BDP1: variants seen among roughly 807,000 people sequenced by gnomAD.
BDP1 encodes the protein transcription factor TFIIIB component B'' homolog.
Under a neutral mutation model 266.6 loss-of-function variants are expected in BDP1, and 169 were observed. That is an observed-to-expected ratio of 0.63 (90% CI 0.56 to 0.72). The LOEUF is 0.72. BDP1 is among the 30% of genes least tolerant of loss of function. BDP1 has a pLI of 0.00. For missense variants in BDP1, 3,015 were observed against 3,053.8 expected, an observed-to-expected ratio of 0.99 and a Z score of 0.30; for synonymous variants, 1,090 against 1,022.4, an observed-to-expected ratio of 1.07 and a Z score of -1.26.
chr5:71,555,455 T>C (rs1331708732), intron 35 of BDP1, among the ~76,000 whole-genome samples: 1 of 134,584 alleles, frequency 7.4e-6, no homozygotes, highest in Non-Finnish European at 1.7e-5. Flanking sequence ...TTTTTTTTTT[T>C]TGAGATGGAG....
Position 71,541,660 on chromosome 5 carries a change from A to G in BDP1, c.6229A>G (p.Lys2077Glu), listed in dbSNP as rs779140510. The G allele has an allele frequency of 3.1e-6, 5 of 1,603,884 alleles. No homozygotes were observed. The highest frequency in any genetic ancestry group is 4.3e-6 in the Non-Finnish European group (5 of 1,175,098). ...REEISLMEKV[K>E]ENATPTRNTI... is the part of the protein sequence containing the mutation. The stretch of plus-strand genomic sequence containing the variant: ...AGAAATAAGTTTAATGGAGAAAGTA[A>G]AGGAGAATGCTACACCAACCAGGTT... Residue 2077 changes from lysine (K) to glutamate (E), a missense_variant, in exon 29 of 39, where the codon AAG becomes GAG. Lys to Glu is a moderately conservative substitution (Grantham distance 56). Coordinates refer to ENST00000358731, the MANE Select transcript of BDP1 (RefSeq NM_018429.3).
In BDP1 at chr5:71,516,259, A is replaced by G. The variant is rs1235786655; in HGVS notation, c.4848A>G (p.Lys1616=). The part of the protein sequence containing the change: ...TILPKDETEK[K]VLTVSNSQIE... ...TACCAAAAGATGAAACTGAAAAGAA[A>G]GTCTTAACTGTGGTGAGTTATTGTT... Residue 1616 remains lysine (K), a synonymous_variant, in exon 21 of 39, where the codon AAA becomes AAG. Transcript: ENST00000358731. 8 of 1,611,730 alleles carry G rather than the reference A, an allele frequency of 5.0e-6. No homozygotes were observed. The South Asian group carries it at 6.6e-5, about 13-fold the overall frequency.
At chr5:71,558,266 GGCTCATGGC>G (rs1255570273) in intron 36 of BDP1, among the ~76,000 whole-genome samples, 15 of 56,434 alleles carry the variant, frequency 2.7e-4, no homozygotes, top group Admixed American at 7.6e-4. Flanking sequence ...CAGGCGCAGT[GGCTCATGGC>G]CTGTAATCTC....
chr5:71,498,630 G>C (rs1428409042), intron 13 of BDP1, among the ~76,000 whole-genome samples: 1 of 149,066 alleles, frequency 6.7e-6, no homozygotes, highest in South Asian at 2.1e-4. Context: ...CACCTTGTTG[G>C]CCAGGCTGGT....
At chr5:71,529,298 G>GAT (rs1386728587) in intron 25 of BDP1, among the ~76,000 whole-genome samples, 3 of 152,166 alleles carry the variant, frequency 2.0e-5, no homozygotes, top group African/African-American at 7.2e-5. Flanking sequence ...GCTGAGGCAG[G>GAT]ATAATCGCTT....
At chr5:71,513,499 A>G in intron 19 of BDP1, 92 bp downstream of exon 19, 1 of 773,556 alleles carries the variant, frequency 1.3e-6, no homozygotes, top group South Asian at 1.9e-5. Context: ...TTAAAATTCT[A>G]CAAATATTTC....
At chr5:71,466,352 A>G in intron 5 of BDP1, 131 bp downstream of exon 5, 2 of 975,890 alleles carry the variant, frequency 2.0e-6, no homozygotes, top group Non-Finnish European at 3.0e-6. Context: ...CATAATGAAT[A>G]TTGTAAATAG....
Position 71,524,081 on chromosome 5 carries a change from C to A in BDP1, c.5530C>A (p.Arg1844Ser). The change falls in exon 25 of 39, where the codon CGT becomes AGT. Residue 1844 changes from arginine to serine, a missense_variant. Around this residue, in one of 3 missense-constraint regions of BDP1, gnomAD observed 2,383 missense variants for 2,404.9 expected, o/e 0.99. Coordinates refer to ENST00000358731, the MANE Select transcript of BDP1 (RefSeq NM_018429.3). ...KKFKPNVTRG[R>S]GSKRVRGKTS... is the part of the protein sequence containing the mutation. The stretch of plus-strand genomic sequence containing the variant: ...GTTCAAACCAAATGTCACCAGAGGT[C>A]GTGGATCAAAACGAGTTCGGGGTAA... The A allele has an allele frequency of 6.2e-7, 1 of 1,614,150 alleles. No individual in the cohort carries two copies. Among genetic ancestry groups the A allele is most frequent in the East Asian group, 2.2e-5 (1 of 44,872 alleles).
Position 71,497,303 on chromosome 5 carries a change from G to C in BDP1, c.1833G>C (p.Met611Ile). The change falls in exon 13 of 39, where the codon ATG becomes ATC. Residue 611 changes from methionine (M) to isoleucine (I), a missense_variant. This residue lies in a region of BDP1 where 2,383 missense variants were observed against 2,404.9 expected (regional missense o/e 0.99). Coordinates refer to ENST00000358731, the MANE Select transcript of BDP1 (RefSeq NM_018429.3). ...ATCAAACAGAAAATGTTAAACCAATGTTGAGAGGTCGCTTCCAAAGACCTA... is the reference window on the plus strand; with the variant it reads ...ATCAAACAGAAAATGTTAAACCAATCTTGAGAGGTCGCTTCCAAAGACCTA... Reference protein sequence around the residue: ...EIDQTENVKPMLRGRFQRPKP... With the variant: ...EIDQTENVKPILRGRFQRPKP... 2.5e-6 allele frequency: 4 copies of C among 1,613,798 alleles called. No individual in the cohort carries two copies. Among genetic ancestry groups the C allele is most frequent in the Non-Finnish European group, 3.4e-6 (4 of 1,179,890 alleles).
At chr5:71,500,326 T>G (rs1335017469) in intron 13 of BDP1, among the ~76,000 whole-genome samples, 1 of 71,618 alleles carries the variant, frequency 1.4e-5, no homozygotes, top group African/African-American at 3.6e-5. Context: ...CTTTTTTTTT[T>G]TTTTTTTTTT....
chr5:71,518,835 CTTTTTTTT>C (rs35834219), intron 22 of BDP1, among the ~76,000 whole-genome samples: 2 of 128,646 alleles, frequency 1.6e-5, no homozygotes, highest in Admixed American at 1.6e-4. Context: ...GTATGGATTA[CTTTTTTTT>C]TTTTTTTTTT....
At chr5:71,471,440 G>A (rs565740840) in intron 7 of BDP1, among the ~76,000 whole-genome samples, 2 of 152,168 alleles carry the variant, frequency 1.3e-5, no homozygotes, top group East Asian at 1.9e-4. Context: ...CATCATGCCC[G>A]GTTGAGGGTA....
Position 71,510,565 on chromosome 5 carries a change from A to G in BDP1, c.3473A>G (p.Asn1158Ser). ...AGAAGAGAAATATCCCCAGAGGAAAATGGCCCAGAGGAGGTCAAGCCTGTA... is the reference window on the plus strand; with the variant it reads ...AGAAGAGAAATATCCCCAGAGGAAAGTGGCCCAGAGGAGGTCAAGCCTGTA... The part of the protein sequence containing the change: ...TGRREISPEE[N>S]GPEEVKPVDE... The change falls in exon 17 of 39, where the codon AAT (asparagine) becomes AGT (serine). Residue 1158 changes from asparagine (N) to serine (S), a missense_variant. Physicochemically the swap from Asn to Ser is conservative, Grantham distance 46. This residue lies in a region of BDP1 where 2,383 missense variants were observed against 2,404.9 expected (regional missense o/e 0.99). Transcript: ENST00000358731. 6.2e-7 allele frequency: 1 copy of G among 1,613,970 alleles called. No homozygotes were observed. Among genetic ancestry groups the G allele is most frequent in the South Asian group, 1.1e-5 (1 of 90,870 alleles).
At chr5:71,471,764 C>T (rs1267496302) in intron 7 of BDP1, among the ~76,000 whole-genome samples, 1 of 152,164 alleles carries the variant, frequency 6.6e-6, no homozygotes, top group Non-Finnish European at 1.5e-5. Context: ...TTTACTCAAC[C>T]ATGGGCTTTT....
At chr5:71,562,724 G>T in intron 38 of BDP1, 1 of 1,475,134 alleles carries the variant, frequency 6.8e-7, no homozygotes, top group South Asian at 1.2e-5. Context: ...TTAGTACAGA[G>T]CCATTGAACT....
intron 7 of BDP1, among the ~76,000 whole-genome samples, chr5:71,477,893 G>A (rs1025056076): frequency 6.6e-6 from 1 of 152,014 alleles, no homozygotes; most frequent in African/African-American, 2.4e-5. Context: ...TGCAGGGATT[G>A]CAGGCTGAGC....
At chr5:71,476,623 C>G (rs776802812) in intron 7 of BDP1, among the ~76,000 whole-genome samples, 16 of 152,146 alleles carry the variant, frequency 1.1e-4, no homozygotes, top group African/African-American at 3.6e-4. Context: ...TCACTGCATC[C>G]TCTGCTTTCC....
At chr5:71,545,376 GGC>G in intron 32 of BDP1, 157 bp downstream of exon 32, 1 of 733,428 alleles carries the variant, frequency 1.4e-6, no homozygotes, top group Non-Finnish European at 2.2e-6. Context: ...CTGTTGCCCA[GGC>G]AAGAGTGCAG....
Position 71,484,038 on chromosome 5 carries a change from T to G in BDP1, c.1069+142T>G, listed in dbSNP as rs147328721. The G allele has an allele frequency of 3.7e-4, 248 of 664,480 alleles. 1 individual carries two copies. The African/African-American group carries it at 4.3e-3, about 11-fold the overall frequency. 41.2% of individuals were successfully genotyped at this position (664,480 alleles called of 1,614,324 possible). A position where few individuals can be genotyped will look rare whatever the true frequency, so the allele number is the denominator to read the frequency against. ...AGGAAGCAGTCTGAAATTTTTCTGT[T>G]TAGCAGTATGGGTCTGGCACTTGCT... On this transcript the variant is annotated intron_variant, in intron 8 of 38. Coordinates refer to ENST00000358731, the MANE Select transcript of BDP1 (RefSeq NM_018429.3).
Sources: allele counts gnomAD v4.1 joint callset (sites outside exome capture counted in the v4.1 genomes callset), GRCh38; gene constraint gnomAD v4.1.1; regional missense constraint gnomAD v4.1.1; transcripts MANE v1.5; gene names NCBI Gene and HGNC (gene_info 2026-07-23, HGNC 2026-07-21).